ATP2B3: variants seen among roughly 807,000 people sequenced by gnomAD.
The protein encoded by ATP2B3 is ATPase plasma membrane Ca2+ transporting 3, also known as plasma membrane calcium-transporting ATPase 3.
ATP2B3 carries 12 observed loss-of-function variants against 70.8 expected under a neutral mutation model. The observed-to-expected ratio is 0.17, with a 90% CI of 0.11 to 0.27. The LOEUF is 0.27. Among genes scored for constraint, ATP2B3 ranks in the 10% least tolerant of loss-of-function variants. ATP2B3 has a pLI of 1.00. For synonymous variants in ATP2B3, 460 were observed against 497.8 expected, an observed-to-expected ratio of 0.92 and a Z score of 1.01; for missense variants, 858 against 1,118.5, an observed-to-expected ratio of 0.77 and a Z score of 3.32.
In ATP2B3 at chrX:153,546,814, G is replaced by A. The variant is rs145376351; in HGVS notation, c.958+685G>A. Reference sequence around the variant, plus strand: ...CACAGGCAGAGATGACCCAGGCAACGCCCTGTGCGGAGCTGGGTTTGGGAG... The same window carrying A: ...CACAGGCAGAGATGACCCAGGCAACACCCTGTGCGGAGCTGGGTTTGGGAG... On this transcript the variant is annotated intron_variant, in intron 8 of 21. Coordinates refer to ENST00000263519, the MANE Select transcript of ATP2B3 (RefSeq NM_001001344.3). Among the ~76,000 whole-genome samples the A allele has an allele frequency of 4.0e-3, 455 of 113,120 alleles. 2 individuals are homozygous for A. Among genetic ancestry groups the A allele is most frequent in the African/African-American group, 0.014 (428 of 31,192 alleles).
chrX:153,550,581 C>G (rs56082135), intron 12 of ATP2B3, among the ~76,000 whole-genome samples: 6,478 of 111,826 alleles, frequency 0.058, 188 homozygotes, highest in African/African-American at 0.099. Context: ...TATCAAGGGA[C>G]TCATACACTG....
chrX:153,553,274 C>CAACCGT lies in ATP2B3; in HGVS notation c.2058+5_2058+6insAACCGT, dbSNP rs1569534843. 1 of 1,192,437 alleles carries CAACCGT rather than the reference C, an allele frequency of 8.4e-7. No homozygotes were observed. The highest frequency in any genetic ancestry group is 1.1e-6 in the Non-Finnish European group (1 of 880,866). On this transcript the variant is annotated splice_donor_region_variant and intron_variant, in intron 13 of 21. Transcript: ENST00000263519. The stretch of plus-strand genomic sequence containing the variant: ...GAGGACCCTGTGCGGCCCGAGGTAG[C>CAACCGT]CACCACCTTCTCTGTGAGCTGCCCT...
rs782212787 is a variant in ATP2B3 at position 153,580,159 on chromosome X, C to T, written c.3524C>T (p.Pro1175Leu). 8.3e-6 allele frequency: 10 copies of T among 1,203,750 alleles called. No individual in the cohort carries two copies. The highest frequency in any genetic ancestry group is 2.3e-4 in the Middle Eastern group (1 of 4,369). ...DENEERLRAP[P>L]PPSPNQNNNA... Reference sequence around the variant, plus strand: ...AACGAGGAGCGCCTCCGGGCCCCCCCGCCCCCGTCCCCCAACCAGAACAAC... The same window carrying T: ...AACGAGGAGCGCCTCCGGGCCCCCCTGCCCCCGTCCCCCAACCAGAACAAC... Residue 1175 changes from proline (P) to leucine (L), a missense_variant, in exon 22 of 22, where the codon CCG becomes CTG. Physicochemically the swap from Pro to Leu is moderately conservative, Grantham distance 98. Coordinates refer to ENST00000263519, the MANE Select transcript of ATP2B3 (RefSeq NM_001001344.3).
At position 153,560,805 on chromosome X, in the gene ATP2B3, T is replaced by C; in HGVS notation, c.2969T>C (p.Ile990Thr). 2 of 1,211,798 alleles carry C rather than the reference T, an allele frequency of 1.7e-6. No individual in the cohort carries two copies. ...QLFNEINARK[I>T]HGERNVFDGI... ...TTTAACGAGATCAACGCCCGCAAGA[T>C]CCACGGCGAGAGGAACGTGTTCGAC... The change falls in exon 19 of 22, where the codon ATC becomes ACC. Residue 990 changes from isoleucine to threonine, a missense_variant. By Grantham distance (89) the Ile-to-Thr change is moderately conservative. Coordinates refer to ENST00000263519, the MANE Select transcript of ATP2B3 (RefSeq NM_001001344.3).
chrX:153,539,811 C>T (rs1220058637), intron 3 of ATP2B3, among the ~76,000 whole-genome samples: 1 of 113,038 alleles, frequency 8.8e-6, no homozygotes, highest in Non-Finnish European at 1.9e-5. Context: ...ATGCCTGCCC[C>T]GGTAGAAGGT....
At chrX:153,565,124 G>A (rs782251163) in intron 21 of ATP2B3, 21 bp downstream of exon 21, 30 of 1,157,217 alleles carry the variant, frequency 2.6e-5, no homozygotes, top group East Asian at 3.3e-5. Context: ...ACTCGCTCTC[G>A]CCCTGGCACT....
At chrX:153,531,166 A>C (rs1373055675) in intron 2 of ATP2B3, among the ~76,000 whole-genome samples, 1 of 112,692 alleles carries the variant, frequency 8.9e-6, no homozygotes, top group Admixed American at 9.3e-5. Flanking sequence ...TCCCAGGTGC[A>C]CACCAGCCAC....
Position 153,556,203 on chromosome X carries a change from G to A in ATP2B3, c.2213G>A (p.Arg738Gln), listed in dbSNP as rs781815591. The A allele has an allele frequency of 2.0e-5, 24 of 1,209,139 alleles. No homozygotes were observed. The highest frequency in any genetic ancestry group is 5.9e-5 in the East Asian group (2 of 33,790). Reference protein sequence around the residue: ...FLCLEGKEFNRRIRNEKGEIE... With the variant: ...FLCLEGKEFNQRIRNEKGEIE... Reference sequence around the variant, plus strand: ...TGCCTAGAAGGGAAGGAGTTCAACCGGCGGATCCGCAATGAGAAAGGCGAG... The same window carrying A: ...TGCCTAGAAGGGAAGGAGTTCAACCAGCGGATCCGCAATGAGAAAGGCGAG... The change falls in exon 14 of 22, where the codon CGG becomes CAG. Residue 738 changes from arginine (R) to glutamine (Q), a missense_variant. Arg to Gln is a conservative substitution (Grantham distance 43). This residue lies in a region of ATP2B3 where 242 missense variants were observed against 281.3 expected (regional missense o/e 0.86). Transcript: ENST00000263519.
intron 2 of ATP2B3, among the ~76,000 whole-genome samples, chrX:153,532,625 A>T (rs2090134081): frequency 8.9e-6 from 1 of 112,129 alleles, no homozygotes; most frequent in Non-Finnish European, 1.9e-5. Flanking sequence ...CTGTGCGGGG[A>T]TGGTGCAAAT....
intron 21 of ATP2B3, among the ~76,000 whole-genome samples, chrX:153,572,384 C>T (rs1322743472): frequency 1.8e-5 from 2 of 112,868 alleles, no homozygotes; most frequent in African/African-American, 6.4e-5. Context: ...GAGCTGCCTC[C>T]GTCCCAAGCC....
chrX:153,574,360 G>A (rs1405063124), intron 21 of ATP2B3, among the ~76,000 whole-genome samples: 8 of 112,497 alleles, frequency 7.1e-5, no homozygotes, highest in Non-Finnish European at 1.1e-4. Flanking sequence ...TGCCTGGGGA[G>A]CTGACAGGTC....
intron 2 of ATP2B3, among the ~76,000 whole-genome samples, chrX:153,527,127 CAGAGCTGGCTCTG>C (rs1477082027): frequency 8.0e-5 from 9 of 112,793 alleles, no homozygotes; most frequent in South Asian, 7.3e-4. Context: ...TTCCGGTCCT[CAGAGCTGGCTCTG>C]AGATTGGAAG....
At chrX:153,546,446 C>T (rs1442169455) in intron 8 of ATP2B3, among the ~76,000 whole-genome samples, 1 of 113,012 alleles carries the variant, frequency 8.8e-6, no homozygotes, top group Non-Finnish European at 1.9e-5. Flanking sequence ...GATGAGAAAA[C>T]TGAGGCCCAG....
intron 20 of ATP2B3, 145 bp downstream of exon 20, chrX:153,562,387 C>T: frequency 2.1e-6 from 1 of 481,601 alleles, no homozygotes; most frequent in Non-Finnish European, 3.4e-6. Context: ...ACACCAGGAC[C>T]CAGGGACAGG....
rs1412838409 is a variant in ATP2B3 at position 153,565,004 on chromosome X, G to A, written c.3243G>A (p.Glu1081=). The A allele has an allele frequency of 2.5e-6, 3 of 1,200,054 alleles. No homozygotes were observed. The highest frequency in any genetic ancestry group is 3.0e-5 in the East Asian group (1 of 33,262). The change falls in exon 21 of 22, where the codon GAG becomes GAA. Residue 1081 remains glutamate (E), a synonymous_variant. Transcript: ENST00000263519. Reference sequence around the variant, plus strand: ...CCGGGAAGGACGAGATGACCGACGAGGAGCTGGCCGAAGGCGAGGAAGAGA... The same window carrying A: ...CCGGGAAGGACGAGATGACCGACGAAGAGCTGGCCGAAGGCGAGGAAGAGA... ...HGPGKDEMTD[E]ELAEGEEEID... is the part of the protein sequence containing the mutation.
At chrX:153,579,815 A>G (rs1557022190) in intron 21 of ATP2B3, among the ~76,000 whole-genome samples, 163 bp from the exon 22 acceptor site, 1 of 111,814 alleles carries the variant, frequency 8.9e-6, no homozygotes, top group African/African-American at 3.3e-5. Context: ...TTCTCATGCC[A>G]TGACCCCCAG....
In ATP2B3 at chrX:153,565,053, C is replaced by T. The variant is rs1312425588; in HGVS notation, c.3292C>T (p.Arg1098Cys). The T allele has an allele frequency of 8.3e-6, 10 of 1,199,257 alleles. No homozygotes were observed. The Middle Eastern group carries it at 1.4e-3, about 166-fold the overall frequency. ...EEIDHAEREL[R>C]RGQILWFRGL... ...GATCGACCATGCCGAGCGGGAGCTC[C>T]GCAGGGGCCAGATCCTCTGGTTCCG... Residue 1098 changes from arginine to cysteine, a missense_variant, in exon 21 of 22, where the codon CGC (arginine) becomes TGC (cysteine). Coordinates refer to ENST00000263519, the MANE Select transcript of ATP2B3 (RefSeq NM_001001344.3).
chrX:153,537,565 G>A (rs111524222), intron 3 of ATP2B3, among the ~76,000 whole-genome samples: 1,296 of 113,314 alleles, frequency 0.011, 11 homozygotes, highest in Non-Finnish European at 0.018. Flanking sequence ...GCCAGGTCAG[G>A]AACTCCAGGG....
chrX:153,559,834 C>A lies in ATP2B3; in HGVS notation c.2731C>A (p.Arg911=), dbSNP rs781948171. 1 of 1,211,862 alleles carries A rather than the reference C, an allele frequency of 8.3e-7. No individual in the cohort carries two copies. The highest frequency in any genetic ancestry group is 1.1e-6 in the Non-Finnish European group (1 of 895,507). The part of the protein sequence containing the change: ...TEPPTESLLL[R]KPYGRDKPLI... ...GCCACCCACAGAGTCGCTGCTGCTG[C>A]GGAAGCCGTACGGCCGCGACAAGCC... Residue 911 remains arginine (R), a synonymous_variant, in exon 18 of 22, where the codon CGG becomes AGG. Transcript: ENST00000263519.
Sources: gnomAD v4.1 joint callset for allele counts (sites outside exome capture counted in the v4.1 genomes callset) on GRCh38, gnomAD v4.1.1 for gene constraint, gnomAD v4.1.1 regional missense constraint, MANE v1.5 for transcripts, NCBI Gene and HGNC (gene_info 2026-07-23, HGNC 2026-07-21) for gene names.